The following ZFAT variants were observed in gnomAD, a reference collection of about 807,000 sequenced individuals.
ZFAT encodes zinc finger protein ZFAT.
Under a neutral mutation model 117.7 loss-of-function variants are expected in ZFAT, and 64 were observed. That is an observed-to-expected ratio of 0.54 (90% CI 0.44 to 0.67). ZFAT has a LOEUF of 0.67. ZFAT is among the 30% of genes least tolerant of loss of function. ZFAT has a pLI of 0.00. For synonymous variants in ZFAT, 679 were observed against 615.0 expected (o/e 1.10, Z -1.54); for missense variants, 1,433 against 1,584.5 (o/e 0.90, Z 1.62).
intron 1 of ZFAT, among the ~76,000 whole-genome samples, chr8:134,701,042 T>C (rs1250650506): frequency 6.6e-6 from 1 of 152,176 alleles, no homozygotes; most frequent in Non-Finnish European, 1.5e-5. Context: ...ATGTACCATC[T>C]TAACTATTTG....
intron 2 of ZFAT, among the ~76,000 whole-genome samples, chr8:134,651,690 A>G (rs1165405585): frequency 1.3e-5 from 2 of 152,226 alleles, no homozygotes; most frequent in East Asian, 3.8e-4. Context: ...GCAAATATTT[A>G]AGTCACAGAA....
chr8:134,627,789 C>T (rs937475670), intron 3 of ZFAT, among the ~76,000 whole-genome samples: 2 of 152,180 alleles, frequency 1.3e-5, no homozygotes, highest in African/African-American at 4.8e-5. Context: ...CAGACAGAGC[C>T]AGGAAGTGAT....
the ZFAT span, chr8:134,765,406 G>T: frequency 6.6e-6 from 1 of 152,124 alleles, no homozygotes; most frequent in East Asian, 1.9e-4. Flanking sequence ...GCCATGGTGG[G>T]AATAATTACA....
At chr8:134,671,490 C>T (rs1832560367) in intron 1 of ZFAT, among the ~76,000 whole-genome samples, 1 of 152,170 alleles carries the variant, frequency 6.6e-6, no homozygotes, top group African/African-American at 2.4e-5. Context: ...TAAACAGAAA[C>T]AAAGACAAAA....
chr8:134,602,669 CT>C lies in ZFAT; in HGVS notation c.1049del (p.Lys350ArgfsTer44). ...AGAAGCGGCAGTGCTGCTTGATCTT[CT>C]TGTGCACTCGCTCGATGTGCACCTT... ...HLKVHIERVH[K>X]KIKQHCRFCK... On this transcript the variant is annotated frameshift_variant, in exon 6 of 16. Coordinates refer to ENST00000377838, the MANE Select transcript of ZFAT (RefSeq NM_020863.4). LOFTEE classifies it high-confidence loss of function. The C allele has an allele frequency of 6.2e-7, 1 of 1,614,236 alleles. No homozygotes were observed. Among genetic ancestry groups the C allele is most frequent in the African/African-American group, 1.3e-5 (1 of 75,062 alleles).
chr8:134,794,956 A>G, the ZFAT span: 2 of 152,206 alleles, frequency 1.3e-5, no homozygotes, highest in African/African-American at 4.8e-5. Context: ...TAGTCCTCCT[A>G]ACAACCTGAT....
At chr8:134,509,538 A>C in intron 15 of ZFAT, 81 bp downstream of exon 15, 1 of 1,588,780 alleles carries the variant, frequency 6.3e-7, no homozygotes, top group Non-Finnish European at 8.6e-7. Context: ...GGTAAGTTAA[A>C]GACTTAGAAA....
chr8:134,557,995 G>A (rs952850665), intron 11 of ZFAT, among the ~76,000 whole-genome samples: 1 of 152,202 alleles, frequency 6.6e-6, no homozygotes, highest in African/African-American at 2.4e-5. Flanking sequence ...ATGGGCTGTG[G>A]GGCCCCTGCA....
At chr8:134,641,251 A>G (rs1198914032) in intron 2 of ZFAT, among the ~76,000 whole-genome samples, 1 of 152,100 alleles carries the variant, frequency 6.6e-6, no homozygotes, top group African/African-American at 2.4e-5. Context: ...ACACCTGCAC[A>G]CACACACACA....
chr8:134,643,942 C>T (rs572314578), intron 2 of ZFAT, among the ~76,000 whole-genome samples: 1 of 152,232 alleles, frequency 6.6e-6, no homozygotes, highest in Non-Finnish European at 1.5e-5. Flanking sequence ...GAGTGCTCAA[C>T]ATTCGTACAT....
chr8:134,522,379 A>G (rs748701841), intron 12 of ZFAT, among the ~76,000 whole-genome samples: 2 of 152,246 alleles, frequency 1.3e-5, no homozygotes, highest in Non-Finnish European at 2.9e-5. Flanking sequence ...AGTTTCATTC[A>G]GTCACCCATA....
At chr8:134,774,716 G>A in the ZFAT span, among the ~76,000 whole-genome samples, 6 of 152,152 alleles carry the variant, frequency 3.9e-5, no homozygotes. Flanking sequence ...GTCTAGAACA[G>A]AACCCACAAT....
At chr8:134,523,508 C>A (rs1270652477) in intron 12 of ZFAT, among the ~76,000 whole-genome samples, 1 of 152,190 alleles carries the variant, frequency 6.6e-6, no homozygotes, top group Non-Finnish European at 1.5e-5. Context: ...CTCTCAGCAG[C>A]TATTGTCTAT....
intron 15 of ZFAT, among the ~76,000 whole-genome samples, chr8:134,497,846 G>A (rs1355606956): frequency 7.3e-6 from 1 of 137,682 alleles, no homozygotes; most frequent in Non-Finnish European, 1.6e-5. Context: ...ATTTGGTAGG[G>A]TTGGGGTGGA....
upstream of ZFAT, among the ~76,000 whole-genome samples, chr8:134,717,528 G>GGCT (rs1814226073): frequency 9.5e-6 from 1 of 105,778 alleles, no homozygotes; most frequent in Non-Finnish European, 1.8e-5. Context: ...CTGTCGCCCA[G>GGCT]GCTGGAGTGC....
intron 3 of ZFAT, among the ~76,000 whole-genome samples, chr8:134,623,461 A>G (rs1829276665): frequency 6.6e-6 from 1 of 152,126 alleles, no homozygotes; most frequent in African/African-American, 2.4e-5. Context: ...CCCCAGATCA[A>G]TGTGTGGCCA....
chr8:134,488,817 C>G (rs139089026), intron 15 of ZFAT, among the ~76,000 whole-genome samples: 2 of 152,156 alleles, frequency 1.3e-5, no homozygotes, highest in African/African-American at 4.8e-5. Context: ...GTCTGTAACA[C>G]TGTGGGATTC....
chr8:134,619,260 A>T (rs1434247074), intron 3 of ZFAT, among the ~76,000 whole-genome samples: 3 of 151,968 alleles, frequency 2.0e-5, no homozygotes, highest in Non-Finnish European at 4.4e-5. Flanking sequence ...ATAATAATAT[A>T]AATTTTATAG....
At chr8:134,559,150 A>G (rs972770210) in intron 11 of ZFAT, among the ~76,000 whole-genome samples, 1 of 152,192 alleles carries the variant, frequency 6.6e-6, no homozygotes, top group Admixed American at 6.5e-5. Flanking sequence ...ATTAATTGAC[A>G]TGGTTAAAAT....
Sources: allele counts gnomAD v4.1 joint callset (sites outside exome capture counted in the v4.1 genomes callset), GRCh38; gene constraint gnomAD v4.1.1; transcripts MANE v1.5; gene names NCBI Gene and HGNC (gene_info 2026-07-23, HGNC 2026-07-21).